Variants in ADAM23 observed in about 807,000 individuals in gnomAD.
ADAM23 encodes the protein disintegrin and metalloproteinase domain-containing protein 23.
In ADAM23, 33 loss-of-function variants were observed where a neutral mutation model predicts 120.1. That is an observed-to-expected ratio of 0.27 (90% confidence interval 0.21 to 0.37). ADAM23 has a LOEUF of 0.37. Among genes scored for constraint, ADAM23 ranks in the 10% least tolerant of loss-of-function variants. ADAM23 has a pLI of 1.00. For missense variants in ADAM23, 862 were observed against 1,058.2 expected, an observed-to-expected ratio of 0.81 and a Z score of 2.57; for synonymous variants, 367 against 375.2, an observed-to-expected ratio of 0.98 and a Z score of 0.25.
chr2:206,612,277 T>G (rs1278009555), intron 25 of ADAM23, among the ~76,000 whole-genome samples: 1 of 152,222 alleles, frequency 6.6e-6, no homozygotes, highest in Non-Finnish European at 1.5e-5. Flanking sequence ...AATGATAATG[T>G]TTAGATTTTC....
chr2:206,561,941 T>C (rs981512368), intron 12 of ADAM23, among the ~76,000 whole-genome samples: 4 of 152,214 alleles, frequency 2.6e-5, no homozygotes, highest in Admixed American at 2.6e-4. Flanking sequence ...ATAAGTTGAA[T>C]TGGAGCACAG....
At chr2:206,449,488 C>T (rs1695147870) in intron 2 of ADAM23, among the ~76,000 whole-genome samples, 1 of 152,188 alleles carries the variant, frequency 6.6e-6, no homozygotes, top group East Asian at 1.9e-4. Context: ...ACTTGTCCTG[C>T]TGGGCGTGGT....
At position 206,602,496 on chromosome 2, in the gene ADAM23, G is replaced by A. The variant is rs535115870; in HGVS notation, c.2359+6334G>A. Among the ~76,000 whole-genome samples the A allele has an allele frequency of 7.2e-4, 109 of 152,186 alleles. 2 individuals are homozygous for A. In the South Asian group the frequency reaches 0.022, roughly 31 times the overall value. ...GTATTTACTTTTCTTGTCTTGAATG[G>A]TAGTGGAATAATAAATCCCTGAAGA... On this transcript the variant is annotated intron_variant, in intron 24 of 25. Transcript: ENST00000264377.
At chr2:206,532,751 ATAT>A (rs1428271986) in intron 4 of ADAM23, among the ~76,000 whole-genome samples, 3 of 152,130 alleles carry the variant, frequency 2.0e-5, no homozygotes, top group African/African-American at 4.8e-5. Flanking sequence ...AAATTTCATA[ATAT>A]TATTTCTAAT....
In ADAM23 at chr2:206,477,322, T is replaced by C. The variant is rs2300972; in HGVS notation, c.433-3910T>C. ...CAGTGAAGGAGGTTTGTGTATATAA[T>C]TGAGTTTAATTGTTTTTCTTTTCAG... On this transcript the variant is annotated intron_variant, in intron 2 of 25. Coordinates refer to ENST00000264377, the MANE Select transcript of ADAM23 (RefSeq NM_003812.4). 4.7e-4 allele frequency among the ~76,000 whole-genome samples: 72 copies of C among 152,306 alleles called. No individual in the cohort carries two copies. The East Asian group carries it at 0.013, about 27-fold the overall frequency.
intron 25 of ADAM23, among the ~76,000 whole-genome samples, chr2:206,614,347 A>T (rs925296513): frequency 2.0e-5 from 3 of 152,200 alleles, no homozygotes; most frequent in African/African-American, 7.2e-5. Flanking sequence ...AAAGAGCTAT[A>T]TCTAGACTAT....
chr2:206,457,110 G>A (rs1048464406), intron 2 of ADAM23, among the ~76,000 whole-genome samples: 2 of 152,128 alleles, frequency 1.3e-5, no homozygotes, highest in African/African-American at 4.8e-5. Flanking sequence ...ATGTTTTCAG[G>A]TAAGTAGAAT....
At chr2:206,561,684 A>G (rs1320887477) in intron 12 of ADAM23, among the ~76,000 whole-genome samples, 3 of 150,948 alleles carry the variant, frequency 2.0e-5, no homozygotes, top group Non-Finnish European at 2.9e-5. Flanking sequence ...CCTTAATCTC[A>G]TTGTTCAGAT....
Position 206,543,750 on chromosome 2 carries a change from T to TACAC in ADAM23, c.720+451_720+454dup, listed in dbSNP as rs35626987. Among the ~76,000 whole-genome samples the TACAC allele has an allele frequency of 5.5e-3, 820 of 149,994 alleles. 1 individual carries two copies. Among genetic ancestry groups the TACAC allele is most frequent in the Middle Eastern group, 0.021 (6 of 288 alleles). ...CAGCAAGTAGATAAGTAAAATGTGA[T>TACAC]ACACACACACACACACACACGCACA... On this transcript the variant is annotated intron_variant, in intron 6 of 25. Transcript: ENST00000264377.
At chr2:206,598,394 T>C (rs562398722) in intron 24 of ADAM23, among the ~76,000 whole-genome samples, 5 of 152,174 alleles carry the variant, frequency 3.3e-5, no homozygotes, top group Non-Finnish European at 5.9e-5. Flanking sequence ...CTAAAAATCT[T>C]TGGAGGCATT....
intron 24 of ADAM23, among the ~76,000 whole-genome samples, chr2:206,598,920 A>G (rs1291887466): frequency 1.3e-5 from 2 of 148,566 alleles, no homozygotes; most frequent in Admixed American, 6.8e-5. Flanking sequence ...CCCCCAAAAA[A>G]GAGGCCAGGC....
chr2:206,487,592 T>A (rs894743654), intron 3 of ADAM23, among the ~76,000 whole-genome samples: 3 of 152,070 alleles, frequency 2.0e-5, no homozygotes. Flanking sequence ...TATATGTGGG[T>A]ATTTAAGTTT....
intron 25 of ADAM23, 91 bp from the exon 26 acceptor site, chr2:206,617,488 G>C (rs1389370255): frequency 6.4e-6 from 9 of 1,399,576 alleles, no homozygotes; most frequent in Non-Finnish European, 7.6e-6. Flanking sequence ...TAGCATTATT[G>C]TCATTATCAT....
At chr2:206,544,836 A>AT (rs1697362878) in intron 6 of ADAM23, among the ~76,000 whole-genome samples, 1 of 152,070 alleles carries the variant, frequency 6.6e-6, no homozygotes, top group Non-Finnish European at 1.5e-5. Context: ...ATGGAGTTAA[A>AT]TTTTTTATAC....
At chr2:206,488,916 C>G (rs1696069202) in intron 3 of ADAM23, among the ~76,000 whole-genome samples, 2 of 152,196 alleles carry the variant, frequency 1.3e-5, no homozygotes, top group Admixed American at 6.5e-5. Context: ...GAGGCCCCCT[C>G]TCTTAAAGAA....
intron 21 of ADAM23, among the ~76,000 whole-genome samples, chr2:206,591,389 A>T (rs1219649115): frequency 6.6e-6 from 1 of 152,040 alleles, no homozygotes; most frequent in Non-Finnish European, 1.5e-5. Flanking sequence ...TTCATCCCTA[A>T]TGCTTCATGT....
chr2:206,611,053 C>T (rs1698816849), intron 25 of ADAM23, among the ~76,000 whole-genome samples: 1 of 152,106 alleles, frequency 6.6e-6, no homozygotes, highest in Non-Finnish European at 1.5e-5. Context: ...ATTTTGAATT[C>T]AATATGTTTC....
intron 19 of ADAM23, among the ~76,000 whole-genome samples, chr2:206,587,582 A>G (rs1041076406): frequency 4.6e-5 from 7 of 150,916 alleles, no homozygotes; most frequent in African/African-American, 4.9e-5. Flanking sequence ...GATTAAGAGA[A>G]AAAAAAAAAG....
chr2:206,445,530 C>G lies in ADAM23; in HGVS notation c.432+6C>G. ...ACCAGCAAAAACATAATAAGGTAGG[C>G]AGGAGGCTGGCTATGCAAAAGTAAC... On this transcript the variant is annotated splice_donor_region_variant and intron_variant, in intron 2 of 25. Transcript: ENST00000264377. 2.5e-6 allele frequency: 4 copies of G among 1,607,602 alleles called. No homozygotes were observed. Among genetic ancestry groups the G allele is most frequent in the Non-Finnish European group, 3.4e-6 (4 of 1,176,704 alleles).
Sources: allele counts gnomAD v4.1 joint callset (sites outside exome capture counted in the v4.1 genomes callset), GRCh38; gene constraint gnomAD v4.1.1; transcripts MANE v1.5; gene names NCBI Gene and HGNC (gene_info 2026-07-23, HGNC 2026-07-21).